Variants in SMIM14 observed in about 807,000 individuals in gnomAD.
SMIM14 encodes chromosome 4 open reading frame 34.
Under a neutral mutation model 12.6 loss-of-function variants are expected in SMIM14, and 5 were observed. That is an observed-to-expected ratio of 0.40 (90% confidence interval 0.21 to 0.83). The LOEUF is 0.83. Among genes scored for constraint, SMIM14 ranks in the 40% least tolerant of loss-of-function variants. The pLI, the probability that SMIM14 is intolerant of heterozygous loss-of-function variation, is 0.37. For missense variants in SMIM14, 86 were observed against 119.1 expected (o/e 0.72, Z 1.29); for synonymous variants, 30 against 40.1 (o/e 0.75, Z 0.95).
At chr4:39,622,897 C>A (rs183638002) in intron 1 of SMIM14, among the ~76,000 whole-genome samples, 18 of 152,152 alleles carry the variant, frequency 1.2e-4, no homozygotes, top group African/African-American at 4.3e-4. Flanking sequence ...CAGCTAAATC[C>A]AGGGAAGGTC....
chr4:39,568,530 C>T (rs908523080), intron 3 of SMIM14, among the ~76,000 whole-genome samples: 1 of 146,952 alleles, frequency 6.8e-6, no homozygotes, highest in African/African-American at 2.7e-5. Context: ...CAGAAATGAA[C>T]GAAAGCAACC....
At chr4:39,587,608 T>C (rs141765351) in intron 2 of SMIM14, among the ~76,000 whole-genome samples, 5 of 151,620 alleles carry the variant, frequency 3.3e-5, no homozygotes, top group East Asian at 1.9e-4. Context: ...CCACTCCCCA[T>C]TGAGAGGTGA....
At chr4:39,569,417 C>T (rs16995407) in intron 3 of SMIM14, among the ~76,000 whole-genome samples, 21,155 of 152,142 alleles carry the variant, frequency 0.14, 3,509 homozygotes, top group African/African-American at 0.4. Context: ...CGTCTTGTTT[C>T]AGTTTCATAT....
chr4:39,588,438 G>A (rs1454680254), intron 2 of SMIM14, among the ~76,000 whole-genome samples: 2 of 152,078 alleles, frequency 1.3e-5, no homozygotes, highest in African/African-American at 4.8e-5. Context: ...AAATTGGTAA[G>A]ACCAATTGTA....
chr4:39,602,649 C>A (rs763027695), intron 2 of SMIM14, among the ~76,000 whole-genome samples: 1 of 152,092 alleles, frequency 6.6e-6, no homozygotes, highest in Non-Finnish European at 1.5e-5. Flanking sequence ...AATATTCTCT[C>A]CTTAGACTCA....
At chr4:39,617,072 T>C (rs1715253584) in intron 1 of SMIM14, among the ~76,000 whole-genome samples, 1 of 152,244 alleles carries the variant, frequency 6.6e-6, no homozygotes, top group South Asian at 2.1e-4. Context: ...TACATATTAC[T>C]TTTTGAACCA....
At chr4:39,555,561 A>G (rs1711967878) in intron 4 of SMIM14, among the ~76,000 whole-genome samples, 1 of 152,212 alleles carries the variant, frequency 6.6e-6, no homozygotes, top group African/African-American at 2.4e-5. Context: ...GATAGTCCTG[A>G]AAACTCCCTA....
At chr4:39,559,925 T>C (rs1395881525) in intron 3 of SMIM14, among the ~76,000 whole-genome samples, 2 of 150,648 alleles carry the variant, frequency 1.3e-5, no homozygotes, top group Non-Finnish European at 2.9e-5. Context: ...GAGACCAGCC[T>C]GGGCAACATG....
At chr4:39,617,590 T>G (rs930073735) in intron 1 of SMIM14, among the ~76,000 whole-genome samples, 2 of 152,224 alleles carry the variant, frequency 1.3e-5, no homozygotes, top group African/African-American at 4.8e-5. Flanking sequence ...CATAGGTAAA[T>G]GTAACAAAAT....
At chr4:39,578,583 G>C (rs1713325599) in intron 2 of SMIM14, among the ~76,000 whole-genome samples, 1 of 152,144 alleles carries the variant, frequency 6.6e-6, no homozygotes, top group African/African-American at 2.4e-5. Flanking sequence ...GACAGTAGTT[G>C]CTGTCCAGGA....
In SMIM14 at chr4:39,638,792, C is replaced by T. The variant is rs1025301452; in HGVS notation, c.-89G>A. On this transcript the variant is annotated 5_prime_UTR_variant, in exon 1 of 5. Transcript: ENST00000295958. ...GAGGATGGGGGCCGGGACCGAGGCT[C>T]GGCAGAAAGACCGCCTGGAGCTTCC... 8.1e-6 allele frequency: 8 copies of T among 985,604 alleles called. No individual in the cohort carries two copies. The highest frequency in any genetic ancestry group is 8.4e-6 in the Non-Finnish European group (7 of 830,078). 61.1% of individuals were successfully genotyped at this position (985,604 alleles called of 1,614,324 possible).
chr4:39,581,848 C>A (rs1713521826), intron 2 of SMIM14, among the ~76,000 whole-genome samples: 1 of 151,448 alleles, frequency 6.6e-6, no homozygotes, highest in East Asian at 2.0e-4. Context: ...CAGGCGTGAG[C>A]CACCATGCCC....
At chr4:39,573,611 C>G (rs1321155996) in intron 2 of SMIM14, among the ~76,000 whole-genome samples, 1 of 151,940 alleles carries the variant, frequency 6.6e-6, no homozygotes, top group Non-Finnish European at 1.5e-5. Flanking sequence ...ATTAGGCATC[C>G]CAAAGGGAAA....
chr4:39,546,472 A>C lies in SMIM14; in HGVS notation c.*5654T>G, dbSNP rs776712274. Reference sequence around the variant, plus strand: ...TTTTAAAAATATGATCATGAAAGATAATTGTAGTTGGTGTTTATGGAGCAT... The same window carrying C: ...TTTTAAAAATATGATCATGAAAGATCATTGTAGTTGGTGTTTATGGAGCAT... On this transcript the variant is annotated 3_prime_UTR_variant, in exon 5 of 5. Transcript: ENST00000295958. The C allele has an allele frequency of 3.3e-5, 5 of 152,266 alleles. No individual in the cohort carries two copies. The highest frequency in any genetic ancestry group is 7.3e-5 in the Non-Finnish European group (5 of 68,048). 9.4% of individuals were successfully genotyped at this position (152,266 alleles called of 1,614,324 possible).
At chr4:39,567,675 T>C (rs1253995585) in intron 3 of SMIM14, among the ~76,000 whole-genome samples, 1 of 151,838 alleles carries the variant, frequency 6.6e-6, no homozygotes, top group African/African-American at 2.4e-5. Flanking sequence ...AGGTGGAGGT[T>C]GCAGTGAGCT....
At chr4:39,568,886 GA>G (rs1325593694) in intron 3 of SMIM14, among the ~76,000 whole-genome samples, 1 of 152,154 alleles carries the variant, frequency 6.6e-6, no homozygotes, top group Non-Finnish European at 1.5e-5. Flanking sequence ...TGGGGGGAAA[GA>G]AAAACTTGCC....
chr4:39,633,398 A>AT (rs1715981553), intron 1 of SMIM14, among the ~76,000 whole-genome samples: 1 of 152,208 alleles, frequency 6.6e-6, no homozygotes, highest in Non-Finnish European at 1.5e-5. Context: ...ATGGTTCACC[A>AT]TAATATTATT....
intron 2 of SMIM14, chr4:39,593,496 G>A (rs1374187590): frequency 6.6e-6 from 1 of 152,152 alleles, no homozygotes; most frequent in African/African-American, 2.4e-5. Context: ...ACTGGCACAA[G>A]ACAAGGATGC....
At chr4:39,586,096 G>T (rs528972308) in intron 2 of SMIM14, among the ~76,000 whole-genome samples, 2 of 152,092 alleles carry the variant, frequency 1.3e-5, no homozygotes, top group East Asian at 3.9e-4. Context: ...ATTTGATTCT[G>T]CAGTTCTCAC....
Sources: allele counts gnomAD v4.1 joint callset (sites outside exome capture counted in the v4.1 genomes callset), GRCh38; gene constraint gnomAD v4.1.1; transcripts MANE v1.5; gene names NCBI Gene and HGNC (gene_info 2026-07-23, HGNC 2026-07-21).